Variants in CLDN16 observed in about 807,000 individuals in gnomAD.
CLDN16 encodes the protein claudin 16, also known as claudin-16.
In CLDN16, 13 loss-of-function variants were observed where a neutral mutation model predicts 24.6. The observed-to-expected ratio is 0.53, with a 90% confidence interval of 0.34 to 0.84. The LOEUF (loss-of-function observed/expected upper bound fraction) is 0.84, where lower values mean the gene tolerates loss of function less well. CLDN16 is among the 40% of genes least tolerant of loss of function. CLDN16 has a pLI of 0.01. For missense variants in CLDN16, 298 were observed against 292.7 expected, an observed-to-expected ratio of 1.02 and a Z score of -0.13; for synonymous variants, 116 against 106.7, an observed-to-expected ratio of 1.09 and a Z score of -0.54.
chr3:190,384,166 T>C (rs983978017), upstream of CLDN16, among the ~76,000 whole-genome samples: 3 of 151,972 alleles, frequency 2.0e-5, no homozygotes, highest in African/African-American at 7.2e-5. Flanking sequence ...CAACTGATTT[T>C]ATTGTTTAGA....
At chr3:190,303,399 C>T in the CLDN16 span, among the ~76,000 whole-genome samples, 1 of 152,292 alleles carries the variant, frequency 6.6e-6, no homozygotes, top group African/African-American at 2.4e-5. Context: ...GCCTCTTCAG[C>T]ATAGCAATGT....
upstream of CLDN16, chr3:190,321,847 T>C: frequency 2.8e-6 from 2 of 717,448 alleles, no homozygotes; most frequent in Non-Finnish European, 4.8e-6. Flanking sequence ...CATTTCCTTA[T>C]GACAGAGCAC....
chr3:190,405,048 G>GA, intron 3 of CLDN16, 122 bp downstream of exon 3: 3 of 988,584 alleles, frequency 3.0e-6, no homozygotes, highest in Non-Finnish European at 4.8e-6. Flanking sequence ...TTTCTAGATT[G>GA]AAAAACTAAA....
intron 1 of CLDN16, among the ~76,000 whole-genome samples, chr3:190,342,966 A>G (rs1717470616): frequency 1.3e-5 from 2 of 152,194 alleles, no homozygotes; most frequent in African/African-American, 4.8e-5. Context: ...AAGTATGACT[A>G]TATCAAATCA....
chr3:190,368,282 T>A lies in CLDN16; in HGVS notation n.122-2611T>A, dbSNP rs76195940. On this transcript the variant is annotated intron_variant and non_coding_transcript_variant, in intron 1 of 4. Transcript: ENST00000468220. ...TGGGAAGCCTATGAAGGGGCTCAAA[T>A]GACAGGGATCTGATGATCAGACAAT... 3.1e-3 allele frequency among the ~76,000 whole-genome samples: 474 copies of A among 152,032 alleles called. 6 individuals carry two copies. Among genetic ancestry groups the A allele is most frequent in the African/African-American group, 0.011 (458 of 41,506 alleles).
At chr3:190,339,731 TA>T (rs1717386982) in intron 1 of CLDN16, among the ~76,000 whole-genome samples, 1 of 152,192 alleles carries the variant, frequency 6.6e-6, no homozygotes, top group Non-Finnish European at 1.5e-5. Flanking sequence ...TTTTACCACA[TA>T]TGTAAAAAAA....
At chr3:190,317,112 T>C in the CLDN16 span, among the ~76,000 whole-genome samples, 1 of 152,218 alleles carries the variant, frequency 6.6e-6, no homozygotes. Context: ...ATGAGATAGA[T>C]GTTGTATAGC....
At chr3:190,313,839 A>G in the CLDN16 span, among the ~76,000 whole-genome samples, 1 of 152,192 alleles carries the variant, frequency 6.6e-6, no homozygotes, top group Non-Finnish European at 1.5e-5. Flanking sequence ...TGATCAAATA[A>G]ACAGGGTCAA....
In CLDN16 at chr3:190,375,707, C is replaced by G. The variant is rs537650954; in HGVS notation, n.306+1104C>G. Among the ~76,000 whole-genome samples the G allele has an allele frequency of 2.0e-5, 3 of 152,046 alleles. No homozygotes were observed. In the South Asian group the frequency reaches 6.2e-4, roughly 32 times the overall value. Reference sequence around the variant, plus strand: ...AGTTTGTTTCCTTTGAGTCTCCCCTCTATCCAGCGAGGTTTTTGTGGGTTA... The same window carrying G: ...AGTTTGTTTCCTTTGAGTCTCCCCTGTATCCAGCGAGGTTTTTGTGGGTTA... On this transcript the variant is annotated intron_variant and non_coding_transcript_variant, in intron 3 of 4. Coordinates refer to the CLDN16 transcript ENST00000468220.
chr3:190,396,803 G>GA (rs1411784445), intron 1 of CLDN16, among the ~76,000 whole-genome samples: 9 of 152,162 alleles, frequency 5.9e-5, no homozygotes, highest in Non-Finnish European at 7.3e-5. Context: ...GGAGGCTAAT[G>GA]AAAAAACAGA....
intron 4 of CLDN16, among the ~76,000 whole-genome samples, chr3:190,408,924 T>C (rs1719184160): frequency 6.7e-6 from 1 of 149,354 alleles, no homozygotes; most frequent in African/African-American, 2.4e-5. Context: ...AGTACATATG[T>C]ATACACATAT....
At chr3:190,342,441 G>A (rs1455605349) in intron 1 of CLDN16, among the ~76,000 whole-genome samples, 2 of 152,040 alleles carry the variant, frequency 1.3e-5, no homozygotes, top group African/African-American at 4.8e-5. Flanking sequence ...AGGTGAAACA[G>A]AAAGCAAAAA....
At chr3:190,404,733 T>G in intron 2 of CLDN16, 29 bp from the exon 3 acceptor site, 1 of 1,612,574 alleles carries the variant, frequency 6.2e-7, no homozygotes, top group Non-Finnish European at 8.5e-7. Context: ...CTTCTGACTC[T>G]GCTTTAACCA....
chr3:190,304,880 G>C, the CLDN16 span, among the ~76,000 whole-genome samples: 8 of 152,132 alleles, frequency 5.3e-5, no homozygotes, highest in African/African-American at 1.9e-4. Context: ...GAGGAGGAAA[G>C]GTTTGAAGAA....
chr3:190,310,669 A>G, the CLDN16 span, among the ~76,000 whole-genome samples: 1 of 152,192 alleles, frequency 6.6e-6, no homozygotes, highest in Non-Finnish European at 1.5e-5. Flanking sequence ...TTCTTGATCA[A>G]ACTCAAAATT....
chr3:190,409,861 A>C (rs1186266240), intron 4 of CLDN16, 42 bp from the exon 5 acceptor site: 2 of 1,595,222 alleles, frequency 1.3e-6, no homozygotes, highest in Non-Finnish European at 1.7e-6. Flanking sequence ...AATTTTCCCA[A>C]GTTCACTGAG....
At chr3:190,333,613 C>T in intron 1 of CLDN16, among the ~76,000 whole-genome samples, 1 of 151,728 alleles carries the variant, frequency 6.6e-6, no homozygotes, top group East Asian at 1.9e-4. Context: ...ACTGATCTTT[C>T]ATCTTTCTAT....
At chr3:190,308,856 C>G in the CLDN16 span, among the ~76,000 whole-genome samples, 2 of 152,108 alleles carry the variant, frequency 1.3e-5, no homozygotes, top group Non-Finnish European at 2.9e-5. Context: ...ATAATCAGAG[C>G]TTTGAACAGA....
At chr3:190,360,803 G>T (rs767928580) in intron 1 of CLDN16, among the ~76,000 whole-genome samples, 8 of 151,084 alleles carry the variant, frequency 5.3e-5, no homozygotes, top group Middle Eastern at 3.4e-3. Context: ...TTATGTGGTT[G>T]CTCTACTGCA....
Sources: allele counts gnomAD v4.1 joint callset (sites outside exome capture counted in the v4.1 genomes callset), GRCh38; gene constraint gnomAD v4.1.1; transcripts MANE v1.5; gene names NCBI Gene and HGNC (gene_info 2026-07-23, HGNC 2026-07-21).